The following SUMF1 variants were observed in gnomAD, a reference collection of about 807,000 sequenced individuals.
The protein encoded by SUMF1 is formylglycine-generating enzyme.
In SUMF1, 48 loss-of-function variants were observed where a neutral mutation model predicts 47.6. The ratio of observed to expected loss-of-function variants is 1.01; its 90% CI spans 0.80 to 1.28. The LOEUF (loss-of-function observed/expected upper bound fraction) is 1.28, where lower values mean the gene tolerates loss of function less well. Among genes scored for constraint, SUMF1 ranks in the 50% most tolerant of loss-of-function variants. The pLI, the probability that SUMF1 is intolerant of heterozygous loss-of-function variation, is 0.00. For synonymous variants in SUMF1, 230 were observed against 192.1 expected (o/e 1.20, Z -1.63); for missense variants, 571 against 485.4 (o/e 1.18, Z -1.66).
intron 6 of SUMF1, among the ~76,000 whole-genome samples, chr3:4,413,662 T>C (rs1701616757): frequency 2.0e-5 from 3 of 151,904 alleles, no homozygotes; most frequent in Non-Finnish European, 2.9e-5. Context: ...AATTAATCAT[T>C]GTGTAACAAG....
chr3:4,124,849 A>T (rs1693619823), intron 8 of SUMF1, among the ~76,000 whole-genome samples: 2 of 152,038 alleles, frequency 1.3e-5, no homozygotes, highest in African/African-American at 4.8e-5. Flanking sequence ...TTGACCACTG[A>T]AAGTCAATAT....
At chr3:4,305,646 C>T (rs1698162642) in intron 8 of SUMF1, among the ~76,000 whole-genome samples, 1 of 151,952 alleles carries the variant, frequency 6.6e-6, no homozygotes, top group Admixed American at 6.6e-5. Context: ...TGATTTCTTC[C>T]CTTATTTGTT....
intron 9 of SUMF1, among the ~76,000 whole-genome samples, chr3:4,051,073 G>A (rs1292878957): frequency 2.0e-5 from 3 of 151,218 alleles, no homozygotes; most frequent in East Asian, 2.0e-4. Flanking sequence ...CCTGCAATGC[G>A]AGTACTCAAG....
At chr3:4,039,739 G>A (rs1470152156) in intron 9 of SUMF1, among the ~76,000 whole-genome samples, 3 of 152,064 alleles carry the variant, frequency 2.0e-5, no homozygotes, top group Non-Finnish European at 2.9e-5. Context: ...TGTTTTGTAT[G>A]GTCAGGTATG....
intron 7 of SUMF1, among the ~76,000 whole-genome samples, chr3:4,410,356 C>T (rs1181433684): frequency 6.6e-6 from 1 of 152,148 alleles, no homozygotes; most frequent in Non-Finnish European, 1.5e-5. Context: ...GTCTGACATA[C>T]TAAGAGGTTC....
chr3:4,360,570 T>C (rs1275450821), downstream of SUMF1, among the ~76,000 whole-genome samples: 1 of 152,104 alleles, frequency 6.6e-6, no homozygotes, highest in Admixed American at 6.5e-5. Context: ...TGACCTTGAG[T>C]GATCTACCCA....
intron 8 of SUMF1, among the ~76,000 whole-genome samples, chr3:4,201,946 T>C (rs139101881): frequency 0.012 from 1,841 of 152,140 alleles, 17 homozygotes; most frequent in Non-Finnish European, 0.019. Flanking sequence ...TTTTTTAATC[T>C]GATTATTGGA....
chr3:4,236,286 C>T (rs1390572750), intron 8 of SUMF1, among the ~76,000 whole-genome samples: 1 of 152,014 alleles, frequency 6.6e-6, no homozygotes, highest in Non-Finnish European at 1.5e-5. Context: ...AGCTAACTTT[C>T]TCATATTCAT....
intron 7 of SUMF1, among the ~76,000 whole-genome samples, chr3:4,382,695 A>C (rs1460406848): frequency 6.6e-6 from 1 of 152,210 alleles, no homozygotes; most frequent in East Asian, 1.9e-4. Context: ...GATGGACTGG[A>C]TAAAGAAAAT....
intron 8 of SUMF1, among the ~76,000 whole-genome samples, chr3:4,146,407 G>A (rs1170261411): frequency 3.5e-5 from 2 of 57,430 alleles, no homozygotes; most frequent in African/African-American, 1.8e-4. Context: ...GAGAGGCGAG[G>A]GGGGGAAAGG....
At chr3:4,238,625 C>CT (rs1377563878) in intron 8 of SUMF1, among the ~76,000 whole-genome samples, 3 of 152,006 alleles carry the variant, frequency 2.0e-5, no homozygotes, top group South Asian at 2.1e-4. Flanking sequence ...GGGGTTGTTT[C>CT]TTTTTTTCTC....
chr3:4,271,114 C>A (rs1370870773), intron 8 of SUMF1, among the ~76,000 whole-genome samples: 3 of 152,304 alleles, frequency 2.0e-5, no homozygotes, highest in South Asian at 2.1e-4. Context: ...GTGCTATAGT[C>A]AGTCTGATCG....
rs147990037 is a variant in SUMF1, at chr3:4,231,683, T to G, written c.1014+144647A>C. ...CCTTCTGTTAAGAAATCACTGTTCC[T>G]TAATAACACATAGCCCTTCATGTTG... On this transcript the variant is annotated intron_variant and NMD_transcript_variant, in intron 8 of 12. Coordinates refer to the SUMF1 transcript ENST00000448413. Among the ~76,000 whole-genome samples the G allele has an allele frequency of 3.9e-5, 6 of 152,268 alleles. No homozygotes were observed. In the East Asian group the frequency reaches 9.7e-4, roughly 25 times the overall value.
At chr3:4,100,429 C>CCCAGG (rs1693006897) in intron 8 of SUMF1, among the ~76,000 whole-genome samples, 3 of 151,956 alleles carry the variant, frequency 2.0e-5, no homozygotes, top group African/African-American at 7.3e-5. Flanking sequence ...GCCAAGAACA[C>CCCAGG]TAATGGGGAA....
chr3:4,250,144 T>C (rs539854814), intron 8 of SUMF1, among the ~76,000 whole-genome samples: 9 of 151,166 alleles, frequency 6.0e-5, no homozygotes, highest in Middle Eastern at 3.4e-3. Flanking sequence ...GATTGTGCCA[T>C]TGCCCTCCAG....
chr3:4,165,383 C>T (rs1289716410), intron 8 of SUMF1, among the ~76,000 whole-genome samples: 1 of 151,942 alleles, frequency 6.6e-6, no homozygotes, highest in African/African-American at 2.4e-5. Flanking sequence ...ACCAATAGCC[C>T]AGGGATTTTT....
chr3:4,089,893 T>C (rs532996376), intron 8 of SUMF1, among the ~76,000 whole-genome samples: 3 of 152,274 alleles, frequency 2.0e-5, no homozygotes, highest in African/African-American at 7.2e-5. Context: ...ACTACTGCAA[T>C]CTCAGACTGG....
chr3:4,321,794 AGTGACTT>A (rs1698841604), intron 8 of SUMF1, among the ~76,000 whole-genome samples: 1 of 152,152 alleles, frequency 6.6e-6, no homozygotes, highest in Non-Finnish European at 1.5e-5. Flanking sequence ...AGCTATACAT[AGTGACTT>A]CCTCCCAAAG....
intron 8 of SUMF1, among the ~76,000 whole-genome samples, chr3:4,258,545 A>T (rs11914997): frequency 6.6e-6 from 1 of 151,800 alleles, no homozygotes; most frequent in Admixed American, 6.6e-5. Context: ...GAGAAATGCA[A>T]ATCAAAACCA....
Sources: gnomAD v4.1 joint callset for allele counts (sites outside exome capture counted in the v4.1 genomes callset) on GRCh38, gnomAD v4.1.1 for gene constraint, MANE v1.5 for transcripts, NCBI Gene and HGNC (gene_info 2026-07-23, HGNC 2026-07-21) for gene names.